The following EIF4G1 variants were observed in gnomAD, a reference collection of about 807,000 sequenced individuals.
The protein encoded by EIF4G1 is eukaryotic translation initiation factor 4 gamma 1.
In EIF4G1, 4 loss-of-function variants were observed where a neutral mutation model predicts 187.8. The observed-to-expected ratio is 0.02, with a 90% CI of 0.01 to 0.05. EIF4G1 has a LOEUF of 0.05. EIF4G1 is among the 10% of genes least tolerant of loss of function. The pLI, the probability that EIF4G1 is intolerant of heterozygous loss-of-function variation, is 1.00. For missense variants in EIF4G1, 1,647 were observed against 2,081.1 expected (o/e 0.79, Z 4.06); for synonymous variants, 844 against 781.4 (o/e 1.08, Z -1.34).
rs1489435691 is a variant in EIF4G1 at position 184,328,754 on chromosome 3, C to T, written c.4077C>T (p.Phe1359=). ...QEGGVPMGEL[F]REITKPLRPL... ...GTGGGGTGCCCATGGGGGAGCTGTTCAGGTAAGTCCCCCTGGGTGGAATTC... is the reference window on the plus strand; with the variant it reads ...GTGGGGTGCCCATGGGGGAGCTGTTTAGGTAAGTCCCCCTGGGTGGAATTC... The change falls in exon 27 of 33, where the codon TTC becomes TTT. Residue 1359 remains phenylalanine, a splice_region_variant and synonymous_variant. Transcript: ENST00000346169. 1 of 1,614,134 alleles carries T rather than the reference C, an allele frequency of 6.2e-7. No homozygotes were observed. Among genetic ancestry groups the T allele is most frequent in the East Asian group, 2.2e-5 (1 of 44,878 alleles).
intron 4 of EIF4G1, among the ~76,000 whole-genome samples, chr3:184,316,541 C>G (rs948229902): frequency 2.0e-5 from 3 of 151,926 alleles, no homozygotes; most frequent in African/African-American, 7.3e-5. Flanking sequence ...TCTCTGCTTT[C>G]TCTTTGGACT....
chr3:184,328,699 C>G lies in EIF4G1; in HGVS notation c.4022C>G (p.Ala1341Gly), dbSNP rs1725447623. The G allele has an allele frequency of 1.2e-6, 2 of 1,614,008 alleles. No homozygotes were observed. The part of the protein sequence containing the change: ...IDIPHVWLYL[A>G]ELVTPILQEG... ...ATCCCCCACGTGTGGCTCTACCTAG[C>G]GGAACTGGTAACACCCATTCTGCAG... is the stretch of plus-strand genomic sequence containing the variant. The change falls in exon 27 of 33, where the codon GCG becomes GGG. Residue 1341 changes from alanine to glycine, a missense_variant. Coordinates refer to ENST00000346169, the MANE Select transcript of EIF4G1 (RefSeq NM_198241.3).
At chr3:184,324,452 A>T in intron 17 of EIF4G1, 105 bp downstream of exon 17, 2 of 1,551,780 alleles carry the variant, frequency 1.3e-6, no homozygotes, top group Non-Finnish European at 1.8e-6. Flanking sequence ...TGTCTTGGGG[A>T]TTTCTCTGGC....
rs1318013913 is a variant in EIF4G1 at position 184,325,930 on chromosome 3, A to G, written c.3201A>G (p.Ser1067=). 2 of 1,614,040 alleles carry G rather than the reference A, an allele frequency of 1.2e-6. No individual in the cohort carries two copies. The highest frequency in any genetic ancestry group is 1.7e-6 in the Non-Finnish European group (2 of 1,179,974). Residue 1067 remains serine (S), a synonymous_variant, in exon 21 of 33, where the codon TCA becomes TCG. Transcript: ENST00000346169. The surrounding 1 kb of genome is among the most constrained non-coding windows in gnomAD (Gnocchi z 5.2). ...ISKGSRPIDT[S]RLTKITKPGS... ...AAGGTAGCCGCCCCATTGACACCTC[A>G]CGACTCACCAAGATCACCAAGGTAG...
chr3:184,334,671 G>C lies in EIF4G1; in HGVS notation c.4619-56G>C. 1.2e-6 allele frequency: 2 copies of C among 1,610,362 alleles called. No homozygotes were observed. The highest frequency in any genetic ancestry group is 2.2e-5 in the South Asian group (2 of 90,902). ...GTGGAACTTGGGAGGGTTCCCTGGG[G>C]TGGGCTGGGGTGGCGGTGGCCAGTC... On this transcript the variant is annotated intron_variant, in intron 32 of 32. Transcript: ENST00000346169. This position sits in a 1 kb window ranked among gnomAD's most constrained non-coding sequence, Gnocchi z 5.8.
intron 1 of EIF4G1, among the ~76,000 whole-genome samples, 161 bp downstream of exon 1, chr3:184,314,835 C>T (rs959344652): frequency 1.3e-5 from 2 of 149,708 alleles, no homozygotes; most frequent in African/African-American, 2.4e-5. Flanking sequence ...ATCCCCGGCC[C>T]ACGTGTGCCT....
At chr3:184,322,316 A>C (rs778341380) in intron 10 of EIF4G1, 46 bp from the exon 11 acceptor site, 1 of 1,587,638 alleles carries the variant, frequency 6.3e-7, no homozygotes, top group East Asian at 2.3e-5. Context: ...GTACTCCTTA[A>C]ATTATTGGCA....
Position 184,334,644 on chromosome 3 carries a change from C to T in EIF4G1, c.4619-83C>T. The T allele has an allele frequency of 1.3e-6, 2 of 1,554,604 alleles. No individual in the cohort carries two copies. The highest frequency in any genetic ancestry group is 1.7e-5 in the Admixed American group (1 of 58,976). On this transcript the variant is annotated intron_variant, in intron 32 of 32. Coordinates refer to ENST00000346169, the MANE Select transcript of EIF4G1 (RefSeq NM_198241.3). The surrounding 1 kb of genome is among the most constrained non-coding windows in gnomAD (Gnocchi z 5.8). ...CTGGTGCATCAGGGCCTTGTTTGAA[C>T]AGTGGAACTTGGGAGGGTTCCCTGG...
intron 4 of EIF4G1, chr3:184,316,637 C>T: frequency 7.1e-7 from 1 of 1,401,522 alleles, no homozygotes; most frequent in African/African-American, 1.4e-5. Flanking sequence ...CTTGTCCTGT[C>T]TTATTGCCTT....
At chr3:184,329,520 T>G (rs1443726999) in intron 28 of EIF4G1, among the ~76,000 whole-genome samples, 1 of 152,056 alleles carries the variant, frequency 6.6e-6, no homozygotes, top group African/African-American at 2.4e-5. Context: ...TTCCACCTAC[T>G]CAGGAGGCTG....
chr3:184,322,192 C>CT, intron 10 of EIF4G1, 89 bp downstream of exon 10: 1 of 1,596,516 alleles, frequency 6.3e-7, no homozygotes, highest in Non-Finnish European at 8.6e-7. Flanking sequence ...TGACATGTTT[C>CT]TGGGTCCCTG....
At chr3:184,328,087 G>T (rs1056714823) in intron 26 of EIF4G1, 85 bp downstream of exon 26, 1 of 1,507,110 alleles carries the variant, frequency 6.6e-7, no homozygotes, top group South Asian at 1.1e-5. Flanking sequence ...CCTTGCATAA[G>T]AGTGTAGGTT....
intron 7 of EIF4G1, 165 bp from the exon 8 acceptor site, chr3:184,320,465 G>A (rs1175520499): frequency 3.0e-5 from 45 of 1,522,696 alleles, no homozygotes; most frequent in Middle Eastern, 2.3e-4. Context: ...CAGGGACTAC[G>A]AGAGCAGCCA....
rs1723047238 is a variant in EIF4G1, at chr3:184,317,711, C to G, written c.325-6C>G. On this transcript the variant is annotated splice_polypyrimidine_tract_variant and splice_region_variant and intron_variant, in intron 5 of 32. Transcript: ENST00000346169. The stretch of plus-strand genomic sequence containing the variant: ...TCCTTCTCTCCCTCTCCCCCTTCCC[C>G]ACCAGGGGCGTTCCACATACGTTGT... The G allele has an allele frequency of 6.2e-7, 1 of 1,613,146 alleles. No individual in the cohort carries two copies. The highest frequency in any genetic ancestry group is 8.5e-7 in the Non-Finnish European group (1 of 1,179,300).
chr3:184,325,435 C>G lies in EIF4G1; in HGVS notation c.2962-45C>G. ...CCTCCAGTTTCTGACACTGCCTTGTCTTGCCTTCCCTGACATCATCGTGAC... is the reference window on the plus strand; with the variant it reads ...CCTCCAGTTTCTGACACTGCCTTGTGTTGCCTTCCCTGACATCATCGTGAC... On this transcript the variant is annotated intron_variant, in intron 19 of 32. Coordinates refer to ENST00000346169, the MANE Select transcript of EIF4G1 (RefSeq NM_198241.3). The surrounding 1 kb of genome is among the most constrained non-coding windows in gnomAD (Gnocchi z 5.2). 6.2e-7 allele frequency: 1 copy of G among 1,614,198 alleles called. No individual in the cohort carries two copies.
intron 10 of EIF4G1, 110 bp from the exon 11 acceptor site, chr3:184,322,252 A>T: frequency 6.6e-7 from 1 of 1,520,774 alleles, no homozygotes; most frequent in African/African-American, 1.4e-5. Context: ...AAAAAGGGTG[A>T]TGCAAAGGGG....
intron 7 of EIF4G1, 131 bp downstream of exon 7, chr3:184,319,932 T>C: frequency 1.4e-6 from 1 of 730,012 alleles, no homozygotes; most frequent in Non-Finnish European, 2.4e-6. Flanking sequence ...GAATGGTGTC[T>C]GTGGAGGGCT....
chr3:184,333,042 G>C (rs1726435847), intron 32 of EIF4G1, among the ~76,000 whole-genome samples: 1 of 152,228 alleles, frequency 6.6e-6, no homozygotes, highest in Admixed American at 6.5e-5. Flanking sequence ...GGATGTGGCA[G>C]TGTTAGCACC....
rs534220790 is a variant in EIF4G1 at position 184,322,139 on chromosome 3, T to C, written c.1519+36T>C. 5.6e-6 allele frequency: 9 copies of C among 1,613,774 alleles called. No homozygotes were observed. In the African/African-American group the frequency reaches 1.1e-4, roughly 19 times the overall value. On this transcript the variant is annotated intron_variant, in intron 10 of 32. Transcript: ENST00000346169. ...GTTGGACGGTAGAGGTAGGGCGGGC[T>C]AGGGGATATCGTTCCTTGCCCTCCT...
Sources: allele counts gnomAD v4.1 joint callset (sites outside exome capture counted in the v4.1 genomes callset), GRCh38; gene constraint gnomAD v4.1.1; non-coding constraint Gnocchi (gnomAD v3.1); transcripts MANE v1.5; gene names NCBI Gene and HGNC (gene_info 2026-07-23, HGNC 2026-07-21).